DARS1: variants seen among roughly 807,000 people sequenced by gnomAD.
The protein encoded by DARS1 is aspartyl-tRNA synthetase 1, also known as aspartate--tRNA ligase, cytoplasmic.
Under a neutral mutation model 68.8 loss-of-function variants are expected in DARS1, and 51 were observed. That is an observed-to-expected ratio of 0.74 (90% CI 0.59 to 0.94). The LOEUF is 0.94. DARS1 is among the 40% of genes least tolerant of loss of function. DARS1 has a pLI of 0.00. For missense variants in DARS1, 607 were observed against 597.3 expected (o/e 1.02, Z -0.17); for synonymous variants, 203 against 190.4 (o/e 1.07, Z -0.55).
chr2:135,944,624 TC>T (rs1384821919), intron 4 of DARS1, among the ~76,000 whole-genome samples: 1 of 152,100 alleles, frequency 6.6e-6, no homozygotes, highest in African/African-American at 2.4e-5. Context: ...CTCGTAAGTC[TC>T]CTGCACTGGG....
intron 3 of DARS1, among the ~76,000 whole-genome samples, chr2:135,964,399 A>AG: frequency 6.6e-6 from 1 of 152,318 alleles, no homozygotes; most frequent in Admixed American, 6.5e-5. Flanking sequence ...AAGAAAGGTA[A>AG]GGGCTGAAAG....
intron 7 of DARS1, among the ~76,000 whole-genome samples, chr2:135,932,401 C>T (rs1256185626): frequency 6.6e-6 from 1 of 152,158 alleles, no homozygotes; most frequent in East Asian, 1.9e-4. Context: ...GCATTAATTA[C>T]TCATCTCCAC....
intron 9 of DARS1, among the ~76,000 whole-genome samples, chr2:135,920,946 C>T (rs918206257): frequency 6.6e-6 from 1 of 151,758 alleles, no homozygotes; most frequent in Non-Finnish European, 1.5e-5. Context: ...TAAAACCTGA[C>T]TCAAACTAAG....
intron 11 of DARS1, among the ~76,000 whole-genome samples, 175 bp downstream of exon 11, chr2:135,916,051 T>C (rs906499166): frequency 2.0e-5 from 3 of 152,200 alleles, no homozygotes; most frequent in African/African-American, 4.8e-5. Context: ...AATATTTTCA[T>C]TTTTTCTTAT....
intron 4 of DARS1, among the ~76,000 whole-genome samples, chr2:135,957,870 A>G (rs952619440): frequency 2.7e-4 from 41 of 152,230 alleles, no homozygotes; most frequent in African/African-American, 9.9e-4. Context: ...ACTTTAAAAT[A>G]GAAATAAATT....
At chr2:135,917,263 T>A (rs532263297) in intron 10 of DARS1, among the ~76,000 whole-genome samples, 53 of 152,168 alleles carry the variant, frequency 3.5e-4, no homozygotes, top group African/African-American at 1.3e-3. Flanking sequence ...ATGAGGGAAA[T>A]GGGTAAACAC....
intron 7 of DARS1, among the ~76,000 whole-genome samples, chr2:135,926,062 T>C (rs1681205588): frequency 1.3e-5 from 2 of 152,190 alleles, no homozygotes; most frequent in Admixed American, 1.3e-4. Context: ...AGCTAATTTT[T>C]GTATTTTTAG....
chr2:135,916,258 A>T lies in DARS1; in HGVS notation c.1074T>A (p.Ala358=), dbSNP rs1325409680. Residue 358 remains alanine (A), a synonymous_variant, in exon 11 of 16, where the codon GCT becomes GCA. Transcript: ENST00000264161. ...YCEALAMLRE[A]GVEMGDEDDL... is the part of the protein sequence containing the mutation. ...CGTCTTCATCTCCCATTTCGACTCC[A>T]GCTTCCCTAAGCATAGCCAATGCTT... The T allele has an allele frequency of 6.3e-7, 1 of 1,596,454 alleles. No individual in the cohort carries two copies. Among genetic ancestry groups the T allele is most frequent in the Non-Finnish European group, 8.6e-7 (1 of 1,164,148 alleles).
chr2:135,959,252 A>G (rs1682044908), intron 4 of DARS1, among the ~76,000 whole-genome samples: 1 of 151,678 alleles, frequency 6.6e-6, no homozygotes, highest in African/African-American at 2.4e-5. Flanking sequence ...GTAGCTGGGC[A>G]TGGTGGTGGC....
chr2:135,926,593 T>C (rs1194170257), intron 7 of DARS1, among the ~76,000 whole-genome samples: 2 of 152,138 alleles, frequency 1.3e-5, no homozygotes, highest in African/African-American at 2.4e-5. Context: ...GGGAAAAGAA[T>C]TAAACAAAAA....
chr2:135,946,796 T>C (rs1167747974), intron 4 of DARS1, among the ~76,000 whole-genome samples: 1 of 152,170 alleles, frequency 6.6e-6, no homozygotes, highest in Admixed American at 6.5e-5. Flanking sequence ...GGTCCCAGTA[T>C]CAGGTTTTGA....
chr2:135,910,953 G>A (rs944017201), intron 15 of DARS1, 186 bp downstream of exon 15: 2 of 495,022 alleles, frequency 4.0e-6, no homozygotes, highest in East Asian at 3.5e-5. Context: ...AAATTCTTAA[G>A]AGAAAAAAAA....
At chr2:135,956,803 G>C (rs928450183) in intron 4 of DARS1, among the ~76,000 whole-genome samples, 1 of 152,052 alleles carries the variant, frequency 6.6e-6, no homozygotes, top group African/African-American at 2.4e-5. Flanking sequence ...CTACTCTGTC[G>C]CCCAGTCTGG....
intron 5 of DARS1, among the ~76,000 whole-genome samples, chr2:135,941,615 T>C (rs1681597855): frequency 6.6e-6 from 1 of 150,950 alleles, no homozygotes; most frequent in Non-Finnish European, 1.5e-5. Context: ...ACTTCATGTC[T>C]AAAACACCAA....
At position 135,906,946 on chromosome 2, in the gene DARS1, G is replaced by A. The variant is rs1680794167; in HGVS notation, c.*370C>T. ...GAAAATCTAAGACATTAACACTGGGGCCCTTGTAATATAGAAAAGAAGAAA... is the reference window on the plus strand; with the variant it reads ...GAAAATCTAAGACATTAACACTGGGACCCTTGTAATATAGAAAAGAAGAAA... On this transcript the variant is annotated 3_prime_UTR_variant, in exon 16 of 16. Transcript: ENST00000264161. 6.5e-6 allele frequency: 1 copy of A among 153,954 alleles called. No individual in the cohort carries two copies. The allele number at this position is 153,954 out of a possible 1,614,324, so 9.5% of individuals were successfully genotyped here.
intron 11 of DARS1, 150 bp downstream of exon 11, chr2:135,916,076 C>A: frequency 4.4e-6 from 2 of 454,434 alleles, no homozygotes; most frequent in Non-Finnish European, 7.9e-6. Flanking sequence ...AACCAAATTA[C>A]CAAGGTTTTA....
At chr2:135,940,954 G>T (rs945351097) in intron 5 of DARS1, among the ~76,000 whole-genome samples, 2 of 152,048 alleles carry the variant, frequency 1.3e-5, no homozygotes, top group African/African-American at 4.8e-5. Context: ...AACTTACAAG[G>T]GATGTGAAGG....
chr2:135,913,831 T>C (rs960954651), intron 12 of DARS1, among the ~76,000 whole-genome samples: 3 of 152,186 alleles, frequency 2.0e-5, no homozygotes, highest in Non-Finnish European at 2.9e-5. Context: ...ATGAGGATGT[T>C]AATAGCTGAC....
At chr2:135,977,047 A>G (rs888398078) in intron 3 of DARS1, among the ~76,000 whole-genome samples, 1 of 152,198 alleles carries the variant, frequency 6.6e-6, no homozygotes, top group African/African-American at 2.4e-5. Context: ...CAAGAAAATA[A>G]GCAGTAGCAC....
Sources: allele counts gnomAD v4.1 joint callset (sites outside exome capture counted in the v4.1 genomes callset), GRCh38; gene constraint gnomAD v4.1.1; transcripts MANE v1.5; gene names NCBI Gene and HGNC (gene_info 2026-07-23, HGNC 2026-07-21).